COLGALT2: variants seen among roughly 807,000 people sequenced by gnomAD.
The protein encoded by COLGALT2 is collagen beta(1-O)galactosyltransferase 2.
In COLGALT2, 49 loss-of-function variants were observed where a neutral mutation model predicts 73.4. That is an observed-to-expected ratio of 0.67 (90% CI 0.53 to 0.85). The LOEUF is 0.85. COLGALT2 is among the 40% of genes least tolerant of loss of function. The probability of loss-of-function intolerance (pLI) is 0.00; values close to 1 mark genes in which losing one functional copy is unlikely to be tolerated. For missense variants in COLGALT2, 722 were observed against 790.2 expected (o/e 0.91, Z 1.03); for synonymous variants, 295 against 307.6 (o/e 0.96, Z 0.43).
rs547753919 is a variant in COLGALT2, at chr1:184,023,647, G to A, written c.263+13448C>T. ...TTTTTCCAAAAGTGCGTGAGGTGGG[G>A]GGGGGGGGCGGTGCCGGAAGCATTC... On this transcript the variant is annotated intron_variant, in intron 1 of 11. Transcript: ENST00000361927. Among the ~76,000 whole-genome samples, 22 of 142,116 alleles carry A rather than the reference G, an allele frequency of 1.5e-4. 2 individuals carry two copies. The highest frequency in any genetic ancestry group is 3.5e-3 in the Middle Eastern group (1 of 282). 93.2% of individuals were successfully genotyped at this position (142,116 alleles called of 152,430 possible). A position where few individuals can be genotyped will look rare whatever the true frequency, so the allele number is the denominator to read the frequency against.
At chr1:184,033,023 T>A (rs1189404141) in intron 1 of COLGALT2, among the ~76,000 whole-genome samples, 1 of 152,240 alleles carries the variant, frequency 6.6e-6, no homozygotes, top group Non-Finnish European at 1.5e-5. Context: ...CAATTTAGTA[T>A]GTTACTTTTC....
intron 1 of COLGALT2, among the ~76,000 whole-genome samples, chr1:184,023,910 G>A (rs1449542819): frequency 6.6e-6 from 1 of 151,914 alleles, no homozygotes; most frequent in Admixed American, 6.6e-5. Context: ...AAAAAAGATA[G>A]CATTTTCACT....
intron 1 of COLGALT2, among the ~76,000 whole-genome samples, chr1:184,020,713 T>C (rs572142852): frequency 2.0e-5 from 3 of 152,340 alleles, no homozygotes; most frequent in African/African-American, 7.2e-5. Flanking sequence ...TTTATTTGTG[T>C]ATCATCTGTC....
chr1:183,969,399 C>G lies in COLGALT2; in HGVS notation c.702G>C (p.Met234Ile). 1 of 1,613,826 alleles carries G rather than the reference C, an allele frequency of 6.2e-7. No homozygotes were observed. Among genetic ancestry groups the G allele is most frequent in the Non-Finnish European group, 8.5e-7 (1 of 1,179,856 alleles). The change falls in exon 5 of 12, where the codon ATG (methionine) becomes ATC (isoleucine). Residue 234 changes from methionine (M) to isoleucine (I), a missense_variant. Met to Ile is a conservative substitution (Grantham distance 10). Transcript: ENST00000361927. ...GGTCAATTAGGAAGGTGGAGTGGAC[C>G]ATGGGGACGGGGAAGCAGCCTGTCC... ...WKRTGCFPVP[M>I]VHSTFLIDLR...
intron 7 of COLGALT2, among the ~76,000 whole-genome samples, chr1:183,951,338 T>G (rs1280442340): frequency 6.6e-6 from 1 of 152,250 alleles, no homozygotes; most frequent in African/African-American, 2.4e-5. Flanking sequence ...TAACTCTCTT[T>G]GTTTTTCTGA....
chr1:183,935,712 TG>T, downstream of COLGALT2: 2 of 339,290 alleles, frequency 5.9e-6, no homozygotes, highest in Non-Finnish European at 8.4e-6. Flanking sequence ...TCATTTGCCA[TG>T]GGGATCACAC....
At chr1:184,020,021 C>T (rs1167827925) in intron 1 of COLGALT2, among the ~76,000 whole-genome samples, 1 of 152,136 alleles carries the variant, frequency 6.6e-6, no homozygotes, top group Non-Finnish European at 1.5e-5. Context: ...GTCCAGCACT[C>T]GCCTGGTTTT....
At chr1:183,995,324 G>A (rs1391286200) in intron 1 of COLGALT2, among the ~76,000 whole-genome samples, 2 of 152,166 alleles carry the variant, frequency 1.3e-5, no homozygotes, top group Non-Finnish European at 2.9e-5. Context: ...AGTGATTTTT[G>A]AACTCCAAAC....
chr1:183,944,423 A>G, intron 9 of COLGALT2, 100 bp from the exon 10 acceptor site: 1 of 1,336,898 alleles, frequency 7.5e-7, no homozygotes, highest in Non-Finnish European at 1.0e-6. Context: ...AGTAGCACAG[A>G]TTCATAACTG....
chr1:184,029,000 T>C (rs879497586), intron 1 of COLGALT2, among the ~76,000 whole-genome samples: 6 of 152,234 alleles, frequency 3.9e-5, no homozygotes, highest in Non-Finnish European at 7.3e-5. Context: ...CAAGATGTCA[T>C]GGAGCTATTA....
chr1:184,035,280 C>T (rs1324964930), intron 1 of COLGALT2, among the ~76,000 whole-genome samples: 2 of 152,214 alleles, frequency 1.3e-5, no homozygotes, highest in African/African-American at 4.8e-5. Context: ...CCAACTCCCT[C>T]GTTTTATTGA....
At chr1:184,011,168 T>C (rs1672223989) in intron 1 of COLGALT2, among the ~76,000 whole-genome samples, 1 of 152,186 alleles carries the variant, frequency 6.6e-6, no homozygotes, top group Non-Finnish European at 1.5e-5. Context: ...CCACATTTCC[T>C]CTTTCTCCTT....
intron 1 of COLGALT2, among the ~76,000 whole-genome samples, chr1:184,027,157 C>G (rs1649356999): frequency 6.6e-6 from 1 of 152,044 alleles, no homozygotes; most frequent in Admixed American, 6.6e-5. Context: ...CCTATGTAAT[C>G]CTGTACATTA....
At chr1:183,968,534 T>C (rs1670941081) in intron 5 of COLGALT2, among the ~76,000 whole-genome samples, 1 of 152,196 alleles carries the variant, frequency 6.6e-6, no homozygotes. Context: ...TTCCTTCTTC[T>C]AGAGTGTGAA....
In COLGALT2 at chr1:183,938,581, C is replaced by CT; in HGVS notation, c.*179dup. On this transcript the variant is annotated 3_prime_UTR_variant, in exon 12 of 12. Transcript: ENST00000361927. ...TCTTGGGAAATTTGGGTTGAATTTC[C>CT]TTATTTCCTTCCATGGTCAAAAATA... is the stretch of plus-strand genomic sequence containing the variant. 7.0e-7 allele frequency: 1 copy of CT among 1,421,584 alleles called. No homozygotes were observed. Among genetic ancestry groups the CT allele is most frequent in the Non-Finnish European group, 9.2e-7 (1 of 1,089,862 alleles). The allele number at this position is 1,421,584 out of a possible 1,614,324, so 88.1% of individuals were successfully genotyped here.
intron 1 of COLGALT2, among the ~76,000 whole-genome samples, chr1:183,997,677 G>A (rs1390303978): frequency 6.6e-6 from 1 of 152,224 alleles, no homozygotes; most frequent in Non-Finnish European, 1.5e-5. Flanking sequence ...TGGGCCGTGG[G>A]TTGGACAAGC....
intron 6 of COLGALT2, among the ~76,000 whole-genome samples, chr1:183,959,831 A>C (rs1314266025): frequency 1.3e-5 from 2 of 151,832 alleles, no homozygotes; most frequent in African/African-American, 2.4e-5. Flanking sequence ...CCATTACTTC[A>C]TCTCCCTTGA....
chr1:183,994,368 G>A (rs1444256335), intron 1 of COLGALT2, among the ~76,000 whole-genome samples: 2 of 151,784 alleles, frequency 1.3e-5, no homozygotes, highest in Non-Finnish European at 2.9e-5. Context: ...ATCCTAGGAA[G>A]TAGGTATTCT....
At chr1:184,006,944 G>A (rs1166427748) in intron 1 of COLGALT2, among the ~76,000 whole-genome samples, 1 of 152,198 alleles carries the variant, frequency 6.6e-6, no homozygotes, top group African/African-American at 2.4e-5. Flanking sequence ...TATCTGTGAT[G>A]AGTGAACTTG....
Sources: allele counts gnomAD v4.1 joint callset (sites outside exome capture counted in the v4.1 genomes callset), GRCh38; gene constraint gnomAD v4.1.1; transcripts MANE v1.5; gene names NCBI Gene and HGNC (gene_info 2026-07-23, HGNC 2026-07-21).